Variants in PPP2R1B observed in about 807,000 individuals in gnomAD.
PPP2R1B encodes serine/threonine-protein phosphatase 2A 65 kDa regulatory subunit A beta isoform.
Under a neutral mutation model 72.7 loss-of-function variants are expected in PPP2R1B, and 58 were observed. The ratio of observed to expected loss-of-function variants is 0.80; its 90% CI spans 0.65 to 0.99. The LOEUF (loss-of-function observed/expected upper bound fraction) is 0.99. Ranked by LOEUF, PPP2R1B falls within the 50% of genes least tolerant of loss-of-function variation. The pLI is 0.00. For synonymous variants in PPP2R1B, 256 were observed against 264.6 expected, an observed-to-expected ratio of 0.97 and a Z score of 0.32; for missense variants, 695 against 733.6, an observed-to-expected ratio of 0.95 and a Z score of 0.61.
intron 10 of PPP2R1B, 56 bp from the exon 11 acceptor site, chr11:111,748,070 G>A (rs1284380883): frequency 3.7e-5 from 57 of 1,531,180 alleles, no homozygotes; most frequent in Non-Finnish European, 5.0e-5. Flanking sequence ...AAATAAAGAT[G>A]GTCTATTTAC....
chr11:111,692,520 G>A, the PPP2R1B span, among the ~76,000 whole-genome samples: 1 of 152,098 alleles, frequency 6.6e-6, no homozygotes, highest in African/African-American at 2.4e-5. Flanking sequence ...GCAGGTATTA[G>A]CCAGTGAGAA....
At chr11:111,701,101 CAT>C in the PPP2R1B span, 1 of 1,470,608 alleles carries the variant, frequency 6.8e-7, no homozygotes. This position sits in a 1 kb window ranked among gnomAD's most constrained non-coding sequence, Gnocchi z 4.2. Flanking sequence ...GTACTTAACA[CAT>C]AAGCAGTATT....
chr11:111,739,274 C>T lies in PPP2R1B; in HGVS notation c.*2322G>A. ...AGATAAAACAGACAAAAATACCAGC[C>T]TTACAGAGCTCCTAAAGCCTATATT... is the stretch of plus-strand genomic sequence containing the variant. On this transcript the variant is annotated 3_prime_UTR_variant, in exon 15 of 15. Transcript: ENST00000527614. 1 of 972,764 alleles carries T rather than the reference C, an allele frequency of 1.0e-6. No homozygotes were observed. The highest frequency in any genetic ancestry group is 1.2e-6 in the Non-Finnish European group (1 of 818,684). 60.3% of individuals were successfully genotyped at this position (972,764 alleles called of 1,614,324 possible).
downstream of PPP2R1B, chr11:111,722,525 G>T (rs532099942): frequency 1.2e-5 from 9 of 775,298 alleles, no homozygotes; most frequent in Middle Eastern, 3.9e-4. This position sits in a 1 kb window ranked among gnomAD's most constrained non-coding sequence, Gnocchi z 4.4. Flanking sequence ...AGGGTCTCAG[G>T]GAGTAAATGT....
the PPP2R1B span, among the ~76,000 whole-genome samples, chr11:111,691,887 A>G: frequency 6.6e-6 from 1 of 152,228 alleles, no homozygotes; most frequent in Admixed American, 6.5e-5. Context: ...AGTTAATCAA[A>G]TAAGAACCAG....
At chr11:111,723,405 G>T, downstream of PPP2R1B, 1 of 1,361,598 alleles carries the variant, frequency 7.3e-7, no homozygotes, top group East Asian at 2.3e-5. Flanking sequence ...TTAAGTAGAA[G>T]ACTGAAGCTA....
intron 10 of PPP2R1B, among the ~76,000 whole-genome samples, chr11:111,751,132 C>T (rs1555047773): frequency 6.6e-6 from 1 of 152,054 alleles, no homozygotes; most frequent in African/African-American, 2.4e-5. Context: ...AGCCACTGTG[C>T]CCGGCCTTTC....
At chr11:111,712,326 G>C in the PPP2R1B span, 42 of 1,614,218 alleles carry the variant, frequency 2.6e-5, no homozygotes, top group Non-Finnish European at 3.6e-5. Context: ...GCATCTGGCT[G>C]TCAGGCGGAA....
chr11:111,752,172 AGCAGCG>A lies in PPP2R1B; in HGVS notation c.1319_1324del (p.Pro440_Leu441del). 3 of 1,609,354 alleles carry A rather than the reference AGCAGCG, an allele frequency of 1.9e-6. No individual in the cohort carries two copies. The highest frequency in any genetic ancestry group is 1.7e-6 in the Non-Finnish European group (2 of 1,178,168). ...ACACATACTCACCAGCTGGCCTGCC[AGCAGCG>A]GCATATACTCAATGATGGCCAGGCG... On this transcript the variant is annotated inframe_deletion, in exon 10 of 15. Transcript: ENST00000527614.
At chr11:111,758,463 G>A (rs560963922) in intron 5 of PPP2R1B, among the ~76,000 whole-genome samples, 2 of 152,204 alleles carry the variant, frequency 1.3e-5, no homozygotes, top group Admixed American at 1.3e-4. Context: ...GGTGGCATGC[G>A]CCTGTAGTCC....
At chr11:111,693,693 G>C in the PPP2R1B span, among the ~76,000 whole-genome samples, 1 of 152,320 alleles carries the variant, frequency 6.6e-6, no homozygotes, top group African/African-American at 2.4e-5. Flanking sequence ...GAGTTGAGTA[G>C]CAGTGCTGGT....
chr11:111,759,908 G>A lies in PPP2R1B; in HGVS notation c.583C>T (p.Arg195Cys). 16 of 1,614,090 alleles carry A rather than the reference G, an allele frequency of 9.9e-6. No individual in the cohort carries two copies. Among genetic ancestry groups the A allele is most frequent in the Admixed American group, 1.7e-5 (1 of 60,006 alleles). The change falls in exon 5 of 15, where the codon CGT becomes TGT. Residue 195 changes from arginine to cysteine, a missense_variant. By Grantham distance (180) the Arg-to-Cys change is radical (BLOSUM62 -3). Coordinates refer to ENST00000527614, the MANE Select transcript of PPP2R1B (RefSeq NM_002716.5). ...LCSDDTPMVRRAAASKLGEFA... is the reference protein window; with the variant it reads ...LCSDDTPMVRCAAASKLGEFA... ...TCACCCAATTTGGAAGCAGCAGCAC[G>A]TCGTACCATTGGTGTGTCATCTGAG...
intron 10 of PPP2R1B, among the ~76,000 whole-genome samples, chr11:111,751,218 T>C (rs1287529091): frequency 6.6e-6 from 1 of 152,176 alleles, no homozygotes; most frequent in African/African-American, 2.4e-5. Context: ...TAGGGACATT[T>C]TGCTTAGAAT....
chr11:111,755,421 A>C lies in PPP2R1B; in HGVS notation c.717T>G (p.Ala239=). Residue 239 remains alanine, a synonymous_variant, in exon 6 of 15, where the codon GCT becomes GCG. Coordinates refer to ENST00000527614, the MANE Select transcript of PPP2R1B (RefSeq NM_002716.5). ...QDSVRLLAVE[A]CVSIAQLLSQ... ...ACAATAACTGGGCAATACTGACACA[A>C]GCTTCCACAGCAAGGAGGCGCACTG... The C allele has an allele frequency of 6.2e-7, 1 of 1,609,090 alleles. No individual in the cohort carries two copies. Among genetic ancestry groups the C allele is most frequent in the Middle Eastern group, 1.7e-4 (1 of 6,048 alleles).
At chr11:111,699,130 T>C in the PPP2R1B span, among the ~76,000 whole-genome samples, 2 of 152,196 alleles carry the variant, frequency 1.3e-5, no homozygotes, top group Non-Finnish European at 1.5e-5. Context: ...TTTTGGAAAG[T>C]GGACTGTGGA....
chr11:111,707,759 T>C, the PPP2R1B span, among the ~76,000 whole-genome samples: 1 of 152,176 alleles, frequency 6.6e-6, no homozygotes, highest in African/African-American at 2.4e-5. Context: ...TTTCTTGATA[T>C]AGTAGCAAAA....
At chr11:111,701,344 C>A in the PPP2R1B span, 1 of 1,372,946 alleles carries the variant, frequency 7.3e-7, no homozygotes, top group Non-Finnish European at 9.7e-7. This position sits in a 1 kb window ranked among gnomAD's most constrained non-coding sequence, Gnocchi z 4.2. Flanking sequence ...TAAATCCAGA[C>A]AGGAATTTTT....
the PPP2R1B span, among the ~76,000 whole-genome samples, chr11:111,699,349 C>T: frequency 6.6e-6 from 1 of 152,028 alleles, no homozygotes; most frequent in African/African-American, 2.4e-5. Context: ...TTTTTGGGAC[C>T]TTTTTCTCTG....
At chr11:111,728,826 A>T (rs1240559899) in intron 15 of PPP2R1B, 1 of 151,588 alleles carries the variant, frequency 6.6e-6, no homozygotes, top group South Asian at 2.1e-4. Flanking sequence ...CGGGAGGCTG[A>T]GGCAGGAGAA....
Sources: gnomAD v4.1 joint callset for allele counts (sites outside exome capture counted in the v4.1 genomes callset) on GRCh38, gnomAD v4.1.1 for gene constraint, Gnocchi (gnomAD v3.1) non-coding constraint, MANE v1.5 for transcripts, NCBI Gene and HGNC (gene_info 2026-07-23, HGNC 2026-07-21) for gene names.